TRIM46: variants seen among roughly 807,000 people sequenced by gnomAD.
TRIM46 encodes tripartite motif-containing protein 46.
In TRIM46, 17 loss-of-function variants were observed where a neutral mutation model predicts 69.7. That is an observed-to-expected ratio of 0.24 (90% CI 0.17 to 0.37). The LOEUF is 0.37. Among genes scored for constraint, TRIM46 ranks in the 10% least tolerant of loss-of-function variants. The pLI is 1.00. For synonymous variants in TRIM46, 391 were observed against 429.0 expected (o/e 0.91, Z 1.09); for missense variants, 675 against 1,025.1 (o/e 0.66, Z 4.66).
chr1:155,178,928 A>G (rs1311174583), intron 7 of TRIM46: 6 of 1,042,338 alleles, frequency 5.8e-6, no homozygotes, highest in Non-Finnish European at 8.0e-6. Flanking sequence ...ATCTCAGCCA[A>G]CCACTCATTG....
chr1:155,178,756 T>A (rs1179626784), intron 7 of TRIM46, 143 bp downstream of exon 7: 1 of 407,568 alleles, frequency 2.5e-6, no homozygotes, highest in African/African-American at 5.7e-5. Flanking sequence ...CAGCCCACCC[T>A]GCCACACCGT....
rs1204204106 is a variant in TRIM46, at chr1:155,174,040, G to A, written c.63+11G>A. 1.9e-6 allele frequency: 3 copies of A among 1,558,380 alleles called. No homozygotes were observed. Among genetic ancestry groups the A allele is most frequent in the African/African-American group, 1.4e-5 (1 of 73,506 alleles). On this transcript the variant is annotated intron_variant, in intron 1 of 9. Coordinates refer to ENST00000334634, the MANE Select transcript of TRIM46 (RefSeq NM_025058.5). ...CTGGTCCGCATCAGTGTGAGTTAAG[G>A]TGGGGTCGAGGGAAGGGGAGGGGGC... is the stretch of plus-strand genomic sequence containing the variant.
rs778552816 is a variant in TRIM46, at chr1:155,180,016, G to A, written c.1588+82G>A. ...GCCCTGACGGTTGGTTCCGGTGGCC[G>A]CTAGAGAGGCCATATAACATAGTAG... On this transcript the variant is annotated intron_variant, in intron 8 of 9. Transcript: ENST00000334634. 1.4e-4 allele frequency: 202 copies of A among 1,406,246 alleles called. 2 individuals are homozygous for A. The highest frequency in any genetic ancestry group is 2.6e-4 in the Middle Eastern group (1 of 3,842). 87.1% of individuals were successfully genotyped at this position (1,406,246 alleles called of 1,614,324 possible). A position where few individuals can be genotyped will look rare whatever the true frequency, so the allele number is the denominator to read the frequency against.
chr1:155,180,074 C>T (rs1666031387), intron 8 of TRIM46, 140 bp downstream of exon 8: 1 of 1,039,106 alleles, frequency 9.6e-7, no homozygotes. Context: ...AGCTAGACTG[C>T]TTGGGTTCAA....
rs1164373515 is a variant in TRIM46 at position 155,181,935 on chromosome 1, G to A, written c.1672G>A (p.Val558Ile). ...CAAGGACCAGCGAGCAGTACGGAGT[G>A]TTCCAGGGCTGCCCCTGCTGCTGGC... is the stretch of plus-strand genomic sequence containing the variant. ...ISKDQRAVRS[V>I]PGLPLLLAAD... The change falls in exon 9 of 10, where the codon GTT (valine) becomes ATT (isoleucine). Residue 558 changes from valine to isoleucine, a missense_variant. Transcript: ENST00000334634. The surrounding 1 kb of genome is among the most constrained non-coding windows in gnomAD (Gnocchi z 4.3). 8.1e-6 allele frequency: 13 copies of A among 1,613,992 alleles called. No individual in the cohort carries two copies. The Admixed American group carries it at 2.2e-4, about 27-fold the overall frequency.
chr1:155,174,653 G>A, intron 1 of TRIM46: 1 of 1,516,410 alleles, frequency 6.6e-7, no homozygotes, highest in Non-Finnish European at 8.8e-7. Context: ...TGAGGTGTGG[G>A]GGTGGGGCAT....
chr1:155,183,870 C>G lies in TRIM46; in HGVS notation c.1960C>G (p.Leu654Val). The G allele has an allele frequency of 6.2e-7, 1 of 1,613,136 alleles. No homozygotes were observed. The highest frequency in any genetic ancestry group is 8.5e-7 in the Non-Finnish European group (1 of 1,180,028). The change falls in exon 10 of 10, where the codon CTA (leucine) becomes GTA (valine). Residue 654 changes from leucine to valine, a missense_variant. This residue lies in a region of TRIM46 where 108 missense variants were observed against 153.0 expected (regional missense o/e 0.71). Coordinates refer to ENST00000334634, the MANE Select transcript of TRIM46 (RefSeq NM_025058.5). ...TVEASPPFAF[L>V]TIGMGKILLG... is the part of the protein sequence containing the mutation. The stretch of plus-strand genomic sequence containing the variant: ...GGAGGCGTCGCCACCCTTCGCTTTC[C>G]TAACCATTGGCATGGGCAAGATCCT...
In TRIM46 at chr1:155,176,223, C is replaced by T. The variant is rs973111394; in HGVS notation, c.661C>T (p.Arg221Ter). ...HEPTLPTLSF[R>*]PKGLMCPDHK... is the part of the protein sequence containing the mutation. ...GCCCACCCTGCCTACCCTCTCCTTC[C>T]GACCCAAGGTGAGCCAGCCCTTCCA... Residue 221 changes from arginine to a stop codon, truncating the protein, a stop_gained, in exon 3 of 10, where the codon CGA (arginine) becomes TGA (stop). Coordinates refer to ENST00000334634, the MANE Select transcript of TRIM46 (RefSeq NM_025058.5). LOFTEE classifies it high-confidence loss of function. 3 of 1,598,794 alleles carry T rather than the reference C, an allele frequency of 1.9e-6. No homozygotes were observed. The highest frequency in any genetic ancestry group is 2.6e-6 in the Non-Finnish European group (3 of 1,174,290).
chr1:155,179,529 C>T, intron 7 of TRIM46, 103 bp from the exon 8 acceptor site: 7 of 1,072,344 alleles, frequency 6.5e-6, no homozygotes, highest in Non-Finnish European at 8.0e-6. Flanking sequence ...CACCCACACT[C>T]ACCCCCCCGG....
chr1:155,180,403 T>C, intron 8 of TRIM46: 1 of 359,422 alleles, frequency 2.8e-6, no homozygotes, highest in Non-Finnish European at 5.0e-6. Context: ...GAGACCAGCC[T>C]GGCCAACATG....
intron 1 of TRIM46, 129 bp downstream of exon 1, chr1:155,174,158 G>A: frequency 2.7e-6 from 3 of 1,121,578 alleles, no homozygotes; most frequent in Non-Finnish European, 3.9e-6. Flanking sequence ...GGCAGAAACG[G>A]CTGGGAGGGT....
intron 3 of TRIM46, 81 bp downstream of exon 3, chr1:155,176,312 CA>C: frequency 7.7e-7 from 1 of 1,305,128 alleles, no homozygotes; most frequent in Non-Finnish European, 1.0e-6. Flanking sequence ...TGTGGGTTTC[CA>C]AAAGGAAGTG....
Position 155,178,512 on chromosome 1 carries a change from C to T in TRIM46, c.1184C>T (p.Ala395Val). The change falls in exon 7 of 10, where the codon GCC becomes GTC. Residue 395 changes from alanine to valine, a missense_variant. Around this residue, in one of 5 missense-constraint regions of TRIM46, gnomAD observed 361 missense variants for 498.3 expected, o/e 0.72. Transcript: ENST00000334634. Reference sequence around the variant, plus strand: ...CCCAGGATTGCCCGAGCCACTGAAGCCCTCCAGACATTCCGGCCAGCTGCC... The same window carrying T: ...CCCAGGATTGCCCGAGCCACTGAAGTCCTCCAGACATTCCGGCCAGCTGCC... ...LHNRIARATE[A>V]LQTFRPAASS... 6.2e-7 allele frequency: 1 copy of T among 1,614,094 alleles called. No homozygotes were observed. Among genetic ancestry groups the T allele is most frequent in the South Asian group, 1.1e-5 (1 of 91,090 alleles).
chr1:155,176,381 CA>C, intron 3 of TRIM46, 150 bp downstream of exon 3: 1 of 771,664 alleles, frequency 1.3e-6, no homozygotes, highest in South Asian at 1.9e-5. Flanking sequence ...AGTCACTGGA[CA>C]AATCATTCAA....
chr1:155,180,509 C>G (rs764565588), intron 8 of TRIM46: 2 of 387,424 alleles, frequency 5.2e-6, no homozygotes, highest in Admixed American at 4.2e-5. Flanking sequence ...GTAGGAGAAT[C>G]GCTTGAACCT....
intron 7 of TRIM46, 33 bp from the exon 8 acceptor site, chr1:155,179,599 G>A: frequency 1.9e-6 from 3 of 1,560,378 alleles, no homozygotes; most frequent in Non-Finnish European, 2.6e-6. Context: ...CAGTGGCCAG[G>A]CCCTGACTGA....
chr1:155,178,739 T>TTGGGGCCCC, intron 7 of TRIM46, 126 bp downstream of exon 7: 61 of 1,348,320 alleles, frequency 4.5e-5, no homozygotes, highest in Non-Finnish European at 5.3e-5. Flanking sequence ...CAGCCATTCC[T>TTGGGGCCCC]CCCACCCAGC....
chr1:155,177,644 G>C (rs924458358), intron 5 of TRIM46, among the ~76,000 whole-genome samples: 14 of 152,248 alleles, frequency 9.2e-5, no homozygotes, highest in African/African-American at 3.4e-4. Context: ...CAGGTTGCTT[G>C]AGCTGGCTGA....
chr1:155,174,504 A>T, intron 1 of TRIM46: 1 of 1,423,930 alleles, frequency 7.0e-7, no homozygotes, highest in Non-Finnish European at 9.2e-7. Flanking sequence ...TGCGGTTGTC[A>T]TGGCAACCCG....
Sources: gnomAD v4.1 joint callset for allele counts (sites outside exome capture counted in the v4.1 genomes callset) on GRCh38, gnomAD v4.1.1 for gene constraint, gnomAD v4.1.1 regional missense constraint, Gnocchi (gnomAD v3.1) non-coding constraint, MANE v1.5 for transcripts, NCBI Gene and HGNC (gene_info 2026-07-23, HGNC 2026-07-21) for gene names.